The following HECW1 variants were observed in gnomAD, a reference collection of about 807,000 sequenced individuals.
The protein encoded by HECW1 is HECT, C2 and WW domain containing E3 ubiquitin protein ligase 1, also known as E3 ubiquitin-protein ligase HECW1.
Under a neutral mutation model 182.3 loss-of-function variants are expected in HECW1, and 61 were observed. The observed-to-expected ratio is 0.33, with a 90% CI of 0.27 to 0.41. The LOEUF is 0.41. Ranked by LOEUF, HECW1 falls within the 10% of genes least tolerant of loss-of-function variation. The probability of loss-of-function intolerance (pLI) is 1.00; values close to 1 mark genes in which losing one functional copy is unlikely to be tolerated. For synonymous variants in HECW1, 859 were observed against 832.6 expected (o/e 1.03, Z -0.55); for missense variants, 1,739 against 2,108.9 (o/e 0.82, Z 3.44).
intron 6 of HECW1, among the ~76,000 whole-genome samples, chr7:43,371,490 G>A (rs1270690746): frequency 1.3e-5 from 2 of 151,980 alleles, no homozygotes; most frequent in Non-Finnish European, 2.9e-5. Context: ...TTTTTTAAAT[G>A]CTCCAATCAG....
At chr7:43,307,919 C>CATATATATATAT (rs1807828334) in intron 3 of HECW1, among the ~76,000 whole-genome samples, 1 of 108,334 alleles carries the variant, frequency 9.2e-6, no homozygotes, top group African/African-American at 3.1e-5. Context: ...TATATATATA[C>CATATATATATAT]ACACACACAT....
intron 5 of HECW1, among the ~76,000 whole-genome samples, chr7:43,359,340 T>C (rs1250233360): frequency 1.3e-5 from 2 of 152,166 alleles, no homozygotes; most frequent in Non-Finnish European, 2.9e-5. Flanking sequence ...ATTCTGTTAT[T>C]AAGGAGGAAA....
At chr7:43,500,822 C>G in intron 20 of HECW1, 40 bp downstream of exon 20, 1 of 1,508,718 alleles carries the variant, frequency 6.6e-7, no homozygotes, top group South Asian at 1.1e-5. Context: ...AAAAGCTTCC[C>G]TGGGCAGCTC....
chr7:43,538,968 A>C (rs2081272996), intron 24 of HECW1, among the ~76,000 whole-genome samples: 1 of 152,198 alleles, frequency 6.6e-6, no homozygotes, highest in Non-Finnish European at 1.5e-5. Flanking sequence ...GTTTACTACA[A>C]AGATTTTTTT....
intron 2 of HECW1, among the ~76,000 whole-genome samples, chr7:43,237,148 GGTAGGTAGGTAGGTA>G (rs1798445997): frequency 1.2e-5 from 1 of 81,620 alleles, no homozygotes. Context: ...GAAGTAGGTA[GGTAGGTAGGTAGGTA>G]GGTAGGTAGG....
At position 43,541,908 on chromosome 7, in the gene HECW1, A is replaced by G. The variant is rs2084762537; in HGVS notation, c.4158A>G (p.Glu1386=). The G allele has an allele frequency of 2.5e-5, 38 of 1,547,426 alleles. No homozygotes were observed. The highest frequency in any genetic ancestry group is 3.1e-5 in the Non-Finnish European group (36 of 1,147,268). Residue 1386 remains glutamate (E), a synonymous_variant, in exon 26 of 30, where the codon GAA becomes GAG. Coordinates refer to ENST00000395891, the MANE Select transcript of HECW1 (RefSeq NM_015052.5). ...GTGACCTGGAATATTTGGATGAGGA[A>G]TTCCACCAGAGTTTGCAGTGGATGA... The part of the protein sequence containing the change: ...DLSDLEYLDE[E]FHQSLQWMKD...
chr7:43,529,881 T>C (rs1157031616), intron 24 of HECW1, among the ~76,000 whole-genome samples: 1 of 152,140 alleles, frequency 6.6e-6, no homozygotes, highest in Non-Finnish European at 1.5e-5. Context: ...CACTGCCCTT[T>C]CCATGAGCAG....
At chr7:43,522,398 T>C (rs2080524825) in intron 24 of HECW1, 1 of 152,228 alleles carries the variant, frequency 6.6e-6, no homozygotes, top group Admixed American at 6.5e-5. Flanking sequence ...TCCCAGATGC[T>C]GTTATCATTT....
chr7:43,381,093 A>T (rs2074532659), intron 6 of HECW1, among the ~76,000 whole-genome samples: 1 of 152,192 alleles, frequency 6.6e-6, no homozygotes, highest in African/African-American at 2.4e-5. Flanking sequence ...TAATGAAGTG[A>T]ACATTTTTTC....
At chr7:43,286,990 C>G (rs138555977) in intron 3 of HECW1, among the ~76,000 whole-genome samples, 10 of 151,642 alleles carry the variant, frequency 6.6e-5, no homozygotes, top group Non-Finnish European at 1.5e-4. Context: ...TGCTGTGTCC[C>G]GGGCATTGTT....
At chr7:43,460,783 C>T (rs1204184220) in intron 13 of HECW1, among the ~76,000 whole-genome samples, 1 of 152,174 alleles carries the variant, frequency 6.6e-6, no homozygotes, top group African/African-American at 2.4e-5. Context: ...GACTGAGAGA[C>T]CCTCCTCAAG....
chr7:43,258,186 A>G (rs1800783054), intron 3 of HECW1, among the ~76,000 whole-genome samples: 1 of 151,606 alleles, frequency 6.6e-6, no homozygotes, highest in Non-Finnish European at 1.5e-5. Flanking sequence ...CTAAAAATAC[A>G]AAAAAATTAG....
chr7:43,556,593 C>G (rs1424976288), intron 29 of HECW1, among the ~76,000 whole-genome samples: 3 of 151,806 alleles, frequency 2.0e-5, no homozygotes, highest in African/African-American at 7.3e-5. Context: ...GAAGCTGAGG[C>G]AGGAGGATGA....
chr7:43,293,903 C>T (rs1270948118), intron 3 of HECW1, among the ~76,000 whole-genome samples: 2 of 152,034 alleles, frequency 1.3e-5, no homozygotes, highest in Non-Finnish European at 2.9e-5. Flanking sequence ...CAAGCAGCGA[C>T]ATTAGATTTT....
intron 2 of HECW1, among the ~76,000 whole-genome samples, chr7:43,209,607 T>C (rs1406342984): frequency 2.0e-5 from 3 of 152,190 alleles, no homozygotes; most frequent in Non-Finnish European, 4.4e-5. Context: ...GAAAAAAGTT[T>C]CAGTTGGAGA....
chr7:43,488,389 A>AAT (rs1563045188), intron 17 of HECW1, among the ~76,000 whole-genome samples: 27 of 99,834 alleles, frequency 2.7e-4, no homozygotes, highest in Non-Finnish European at 4.3e-4. Context: ...GAAGGAAGGA[A>AAT]GGAAGGAAGG....
chr7:43,323,489 G>A (rs913289138), intron 5 of HECW1, among the ~76,000 whole-genome samples: 9 of 151,972 alleles, frequency 5.9e-5, no homozygotes, highest in African/African-American at 1.9e-4. Flanking sequence ...GGGAGGCTGC[G>A]GTGGAAGCAT....
intron 6 of HECW1, among the ~76,000 whole-genome samples, chr7:43,394,067 T>A (rs190696831): frequency 6.6e-6 from 1 of 152,312 alleles, no homozygotes; most frequent in East Asian, 1.9e-4. Flanking sequence ...AGCCATTGAT[T>A]GTTAATTGTC....
rs910114824 is a variant in HECW1, at chr7:43,114,200, C to G, written c.-223C>G. 3.1e-5 allele frequency: 41 copies of G among 1,325,390 alleles called. No homozygotes were observed. The Middle Eastern group carries it at 1.0e-3, about 33-fold the overall frequency. 82.1% of individuals were successfully genotyped at this position (1,325,390 alleles called of 1,614,324 possible). On this transcript the variant is annotated 5_prime_UTR_variant, in exon 2 of 30. Transcript: ENST00000395891. ...GCAGAAACGGATACAGCAAGAGCAG[C>G]ATAGTTCAAAAATTGAGGGAGGCAT...
Sources: gnomAD v4.1 joint callset for allele counts (sites outside exome capture counted in the v4.1 genomes callset) on GRCh38, gnomAD v4.1.1 for gene constraint, MANE v1.5 for transcripts, NCBI Gene and HGNC (gene_info 2026-07-23, HGNC 2026-07-21) for gene names.